The following HS6ST3 variants were observed in gnomAD, a reference collection of about 807,000 sequenced individuals.
HS6ST3 encodes heparan-sulfate 6-O-sulfotransferase 3.
In HS6ST3, 12 loss-of-function variants were observed where a neutral mutation model predicts 36.7. The ratio of observed to expected loss-of-function variants is 0.33; its 90% confidence interval spans 0.21 to 0.53. HS6ST3 has a LOEUF of 0.53. Among genes scored for constraint, HS6ST3 ranks in the 20% least tolerant of loss-of-function variants. HS6ST3 has a pLI of 0.95. For missense variants in HS6ST3, 584 were observed against 640.9 expected (o/e 0.91, Z 0.96); for synonymous variants, 240 against 257.5 (o/e 0.93, Z 0.65).
At chr13:96,279,342 A>G (rs1408241771) in intron 1 of HS6ST3, among the ~76,000 whole-genome samples, 1 of 152,156 alleles carries the variant, frequency 6.6e-6, no homozygotes. Context: ...AACACATACT[A>G]TACGCTGGGT....
chr13:96,091,061 C>A lies in HS6ST3; in HGVS notation c.199C>A (p.Arg67=), dbSNP rs1300546853. The change falls in exon 1 of 2, where the codon CGG becomes AGG. Residue 67 remains arginine (R), a synonymous_variant. Transcript: ENST00000376705. ...TCAGGCGCCGCCGGAGGAGTGGGAGCGGCGGCCCCAGTTGCCCCCGCCGCC... is the reference window on the plus strand; with the variant it reads ...TCAGGCGCCGCCGGAGGAGTGGGAGAGGCGGCCCCAGTTGCCCCCGCCGCC... ...RAQAPPEEWE[R]RPQLPPPPRG... 6 of 1,269,292 alleles carry A rather than the reference C, an allele frequency of 4.7e-6. No individual in the cohort carries two copies. The highest frequency in any genetic ancestry group is 3.1e-5 in the South Asian group (1 of 32,308). 78.6% of individuals were successfully genotyped at this position (1,269,292 alleles called of 1,614,324 possible). A position where few individuals can be genotyped will look rare whatever the true frequency, so the allele number is the denominator to read the frequency against.
chr13:96,296,507 G>C (rs528057034), intron 1 of HS6ST3, among the ~76,000 whole-genome samples: 5 of 152,104 alleles, frequency 3.3e-5, no homozygotes, highest in Non-Finnish European at 7.4e-5. Flanking sequence ...TGTAGATTGT[G>C]AACTACAGAA....
intron 1 of HS6ST3, among the ~76,000 whole-genome samples, chr13:96,395,391 A>G (rs2055415641): frequency 6.6e-6 from 1 of 152,192 alleles, no homozygotes; most frequent in Admixed American, 6.5e-5. Flanking sequence ...TCCCGCACTA[A>G]GTCTGCTGTT....
intron 1 of HS6ST3, among the ~76,000 whole-genome samples, chr13:96,466,681 G>T (rs185510679): frequency 6.6e-6 from 1 of 152,302 alleles, no homozygotes; most frequent in East Asian, 1.9e-4. Context: ...GGAGGTAATG[G>T]CTATGTTGTT....
In HS6ST3 at chr13:96,419,026, G is replaced by T. The variant is rs1043566949; in HGVS notation, c.707+327457G>T. 7.9e-5 allele frequency among the ~76,000 whole-genome samples: 12 copies of T among 152,330 alleles called. No homozygotes were observed. The South Asian group carries it at 1.5e-3, about 18-fold the overall frequency. ...TAAATGCCTTCTTGATTGATTAACT[G>T]TCTTGAGGCTTTTTACAGATTCTAA... is the stretch of plus-strand genomic sequence containing the variant. On this transcript the variant is annotated intron_variant, in intron 1 of 1. Transcript: ENST00000376705.
chr13:96,736,285 G>A (rs552995445), intron 1 of HS6ST3, among the ~76,000 whole-genome samples: 2 of 152,032 alleles, frequency 1.3e-5, no homozygotes, highest in Admixed American at 6.5e-5. Context: ...GTCACAGGAT[G>A]GGCAAAGACA....
At chr13:96,095,902 G>GTGTGTGTGTA in intron 1 of HS6ST3, among the ~76,000 whole-genome samples, 1 of 150,960 alleles carries the variant, frequency 6.6e-6, no homozygotes, top group Middle Eastern at 3.4e-3. Flanking sequence ...GTGTGTGTGT[G>GTGTGTGTGTA]TTATCAGGAA....
chr13:96,607,962 C>T (rs999565335), intron 1 of HS6ST3, among the ~76,000 whole-genome samples: 1 of 152,084 alleles, frequency 6.6e-6, no homozygotes, highest in East Asian at 1.9e-4. Flanking sequence ...AAAGTGGGCT[C>T]GGAAAATCTT....
intron 1 of HS6ST3, among the ~76,000 whole-genome samples, chr13:96,449,392 AAT>A (rs2139484776): frequency 6.6e-6 from 1 of 152,288 alleles, no homozygotes; most frequent in Non-Finnish European, 1.5e-5. Flanking sequence ...GTCTGGGAGA[AAT>A]AAAATGTATC....
chr13:96,454,281 G>A (rs547740667), intron 1 of HS6ST3, among the ~76,000 whole-genome samples: 21 of 152,196 alleles, frequency 1.4e-4, no homozygotes, highest in African/African-American at 4.8e-4. Flanking sequence ...GTGCTGATGC[G>A]GACCAGCCAT....
chr13:96,483,615 A>G (rs1473816105), intron 1 of HS6ST3, among the ~76,000 whole-genome samples: 1 of 152,204 alleles, frequency 6.6e-6, no homozygotes, highest in Non-Finnish European at 1.5e-5. Flanking sequence ...AATTTGAAGT[A>G]TGGAATCTGT....
chr13:96,772,695 A>C (rs1877292442), intron 1 of HS6ST3, among the ~76,000 whole-genome samples: 1 of 152,254 alleles, frequency 6.6e-6, no homozygotes. Context: ...ATCAGTGTTC[A>C]TGAATGGGTA....
At position 96,090,862 on chromosome 13, in the gene HS6ST3, C is replaced by T; in HGVS notation, c.-1C>T. ...TCGCCTGCCGGCCTGAGAGCGGGAC[C>T]ATGGATGAAAGGTTCAACAAGTGGC... On this transcript the variant is annotated 5_prime_UTR_variant, in exon 1 of 2. Transcript: ENST00000376705. 6.6e-7 allele frequency: 1 copy of T among 1,507,960 alleles called. No homozygotes were observed. Among genetic ancestry groups the T allele is most frequent in the Non-Finnish European group, 8.9e-7 (1 of 1,122,904 alleles). The allele number at this position is 1,507,960 out of a possible 1,614,324, so 93.4% of individuals were successfully genotyped here.
At chr13:96,310,481 A>T (rs2054934905) in intron 1 of HS6ST3, among the ~76,000 whole-genome samples, 1 of 152,184 alleles carries the variant, frequency 6.6e-6, no homozygotes, top group South Asian at 2.1e-4. Context: ...TGGAAAAAAA[A>T]CAAGTTAAAT....
At chr13:96,117,411 G>T (rs548190365) in intron 1 of HS6ST3, among the ~76,000 whole-genome samples, 20 of 152,090 alleles carry the variant, frequency 1.3e-4, no homozygotes, top group Non-Finnish European at 2.6e-4. Context: ...TTAAAATAAA[G>T]AAAACCAGTT....
intron 1 of HS6ST3, among the ~76,000 whole-genome samples, chr13:96,117,353 A>G (rs1313794143): frequency 1.3e-5 from 2 of 152,244 alleles, no homozygotes; most frequent in African/African-American, 4.8e-5. Context: ...AAAAATCATA[A>G]TAAGTATCAC....
chr13:96,340,779 GGTCAGTATGTTTT>G (rs1274694139), intron 1 of HS6ST3, among the ~76,000 whole-genome samples: 1 of 152,204 alleles, frequency 6.6e-6, no homozygotes, highest in Non-Finnish European at 1.5e-5. Context: ...TATAAGAGAT[GGTCAGTATGTTTT>G]TTGAATGAAT....
chr13:96,432,571 G>A (rs1392110715), intron 1 of HS6ST3, among the ~76,000 whole-genome samples: 1 of 152,112 alleles, frequency 6.6e-6, no homozygotes, highest in Admixed American at 6.5e-5. Context: ...TATTTTTAAT[G>A]CAGTAATATA....
At chr13:96,208,322 G>A (rs1486996982) in intron 1 of HS6ST3, among the ~76,000 whole-genome samples, 1 of 151,930 alleles carries the variant, frequency 6.6e-6, no homozygotes, top group Non-Finnish European at 1.5e-5. Flanking sequence ...ACCTTCTTGG[G>A]TCTTTCAGTC....
Sources: gnomAD v4.1 joint callset for allele counts (sites outside exome capture counted in the v4.1 genomes callset) on GRCh38, gnomAD v4.1.1 for gene constraint, MANE v1.5 for transcripts, NCBI Gene and HGNC (gene_info 2026-07-23, HGNC 2026-07-21) for gene names.